The following STIM2 variants were observed in gnomAD, a reference collection of about 807,000 sequenced individuals.
STIM2 encodes the protein stromal interaction molecule 2.
Under a neutral mutation model 85.8 loss-of-function variants are expected in STIM2, and 31 were observed. The ratio of observed to expected loss-of-function variants is 0.36; its 90% CI spans 0.27 to 0.49. The LOEUF is 0.49. Among genes scored for constraint, STIM2 ranks in the 20% least tolerant of loss-of-function variants. The pLI is 0.98. For missense variants in STIM2, 841 were observed against 927.6 expected, an observed-to-expected ratio of 0.91 and a Z score of 1.21; for synonymous variants, 356 against 331.1, an observed-to-expected ratio of 1.08 and a Z score of -0.82.
rs1728972482 is a variant in STIM2 at position 27,023,218 on chromosome 4, A to G, written c.*222A>G. 3.8e-6 allele frequency: 2 copies of G among 524,384 alleles called. No individual in the cohort carries two copies. The highest frequency in any genetic ancestry group is 5.2e-5 in the South Asian group (2 of 38,248). 32.5% of individuals were successfully genotyped at this position (524,384 alleles called of 1,614,324 possible). On this transcript the variant is annotated 3_prime_UTR_variant, in exon 12 of 12. Coordinates refer to ENST00000467087, the MANE Select transcript of STIM2 (RefSeq NM_020860.4). Reference sequence around the variant, plus strand: ...TCATCAAGCCAGTTATTACTGAAAAATCATTGAAATGAGACAGTTTACAGT... The same window carrying G: ...TCATCAAGCCAGTTATTACTGAAAAGTCATTGAAATGAGACAGTTTACAGT...
intron 7 of STIM2, among the ~76,000 whole-genome samples, chr4:27,005,865 A>G (rs1577492562): frequency 1.3e-5 from 2 of 152,376 alleles, no homozygotes; most frequent in East Asian, 3.9e-4. Context: ...AGAAAAATCT[A>G]TGATTAAAGA....
chr4:26,986,674 C>T (rs1469229026), intron 3 of STIM2, among the ~76,000 whole-genome samples: 1 of 152,204 alleles, frequency 6.6e-6, no homozygotes, highest in Non-Finnish European at 1.5e-5. Flanking sequence ...ATTGCTACCT[C>T]CACTATGTTA....
intron 3 of STIM2, among the ~76,000 whole-genome samples, chr4:26,987,883 G>C (rs761408583): frequency 2.0e-5 from 3 of 152,204 alleles, no homozygotes; most frequent in African/African-American, 7.2e-5. Context: ...TATGTTTCAA[G>C]TTTTAAACAG....
At chr4:27,009,027 T>C (rs1216966289) in intron 10 of STIM2, 25 bp downstream of exon 10, 1 of 1,598,650 alleles carries the variant, frequency 6.3e-7, no homozygotes, top group Non-Finnish European at 8.6e-7. Context: ...CAACAAAAAT[T>C]GTTGGTACAG....
rs747044800 is a variant in STIM2, at chr4:26,871,784, T to C, written c.151+10415T>C. 1.1e-3 allele frequency among the ~76,000 whole-genome samples: 161 copies of C among 144,560 alleles called. 1 individual carries two copies. The highest frequency in any genetic ancestry group is 3.6e-3 in the Middle Eastern group (1 of 280). The allele number at this position is 144,560 out of a possible 152,430, so 94.8% of individuals were successfully genotyped here. Reference sequence around the variant, plus strand: ...ATCTCAAATTCCTGGGCTTAGGCAATCCTCCCACCTCGGCCCCGCAAAGTA... The same window carrying C: ...ATCTCAAATTCCTGGGCTTAGGCAACCCTCCCACCTCGGCCCCGCAAAGTA... On this transcript the variant is annotated intron_variant, in intron 1 of 11. Coordinates refer to ENST00000467087, the MANE Select transcript of STIM2 (RefSeq NM_020860.4).
chr4:26,881,696 A>G (rs761485220), intron 1 of STIM2: 4 of 152,204 alleles, frequency 2.6e-5, no homozygotes, highest in South Asian at 2.1e-4. Flanking sequence ...ACAAGTTGCA[A>G]TCCTTTTAGA....
chr4:27,007,562 A>G lies in STIM2; in HGVS notation c.1011A>G (p.Lys337=). 1.3e-6 allele frequency: 2 copies of G among 1,571,494 alleles called. No individual in the cohort carries two copies. Among genetic ancestry groups the G allele is most frequent in the East Asian group, 4.6e-5 (2 of 43,268 alleles). ...GCATGGCTCTGAAAAAGGCCGAAAA[A>G]GAATTTGAACTGAGAAGCAGTTGGT... The change falls in exon 8 of 12, where the codon AAA becomes AAG. Residue 337 remains lysine, a synonymous_variant. Coordinates refer to ENST00000467087, the MANE Select transcript of STIM2 (RefSeq NM_020860.4).
rs1203632300 is a variant in STIM2, at chr4:26,861,045, CG to C, written c.-169del. On this transcript the variant is annotated 5_prime_UTR_variant, in exon 1 of 12. Transcript: ENST00000467087. ...CGGCGGGAGCCCGTGTCTGAGGCGG[CG>C]GGGGCGGCCGGAGGAGTCGCCGGCG... is the stretch of plus-strand genomic sequence containing the variant. 1 of 1,150,330 alleles carries C rather than the reference CG, an allele frequency of 8.7e-7. No individual in the cohort carries two copies. The allele number at this position is 1,150,330 out of a possible 1,614,324, so 71.3% of individuals were successfully genotyped here.
At position 26,865,077 on chromosome 4, in the gene STIM2, C is replaced by T. The variant is rs567028659; in HGVS notation, c.151+3708C>T. Among the ~76,000 whole-genome samples the T allele has an allele frequency of 6.6e-5, 10 of 152,244 alleles. 1 individual carries two copies. The South Asian group carries it at 2.1e-3, about 32-fold the overall frequency. ...GATAGCCTGAGAGACCTTTGTTCCT[C>T]TTATGACGTTGTTCTTTCTGAACTT... is the stretch of plus-strand genomic sequence containing the variant. On this transcript the variant is annotated intron_variant, in intron 1 of 11. Transcript: ENST00000467087.
chr4:26,901,240 A>G (rs969055455), intron 1 of STIM2, among the ~76,000 whole-genome samples: 2 of 152,202 alleles, frequency 1.3e-5, no homozygotes, highest in Non-Finnish European at 2.9e-5. Flanking sequence ...GTAATTTTCA[A>G]CACACTTGTA....
intron 10 of STIM2, among the ~76,000 whole-genome samples, chr4:27,011,811 G>A (rs768525429): frequency 6.6e-6 from 1 of 152,082 alleles, no homozygotes; most frequent in Non-Finnish European, 1.5e-5. Flanking sequence ...TGATGTGGAA[G>A]TGTTCTTTCT....
intron 3 of STIM2, among the ~76,000 whole-genome samples, chr4:26,992,051 G>A (rs1255814430): frequency 2.0e-5 from 3 of 151,998 alleles, no homozygotes; most frequent in Non-Finnish European, 4.4e-5. Context: ...CAGGTAATAA[G>A]GAACCAGATA....
intron 2 of STIM2, among the ~76,000 whole-genome samples, chr4:26,949,660 T>G (rs1217616249): frequency 6.6e-6 from 1 of 152,174 alleles, no homozygotes; most frequent in African/African-American, 2.4e-5. Context: ...CACTCTGAAA[T>G]GCCTCCATCT....
intron 10 of STIM2, among the ~76,000 whole-genome samples, chr4:27,016,717 C>A (rs1474873778): frequency 6.6e-6 from 1 of 152,230 alleles, no homozygotes; most frequent in African/African-American, 2.4e-5. Context: ...TTATCCAGAG[C>A]ACTGACTCAT....
At chr4:26,952,091 A>G (rs1164763476) in intron 2 of STIM2, among the ~76,000 whole-genome samples, 2 of 152,130 alleles carry the variant, frequency 1.3e-5, no homozygotes, top group Admixed American at 6.6e-5. Context: ...AACTGCCCCC[A>G]TGATTCAAAT....
At chr4:26,975,393 C>G (rs1727144437) in intron 3 of STIM2, among the ~76,000 whole-genome samples, 1 of 152,162 alleles carries the variant, frequency 6.6e-6, no homozygotes, top group African/African-American at 2.4e-5. Context: ...TACTTTTGGT[C>G]TTTGATGTTC....
At chr4:26,938,309 C>G (rs572932464) in intron 2 of STIM2, among the ~76,000 whole-genome samples, 1 of 151,796 alleles carries the variant, frequency 6.6e-6, no homozygotes, top group South Asian at 2.1e-4. Flanking sequence ...TGATTATTAT[C>G]GCAGTCTTAT....
At chr4:27,010,614 C>T (rs1005919675) in intron 10 of STIM2, among the ~76,000 whole-genome samples, 8 of 152,152 alleles carry the variant, frequency 5.3e-5, no homozygotes, top group Admixed American at 1.3e-4. Context: ...GGGAAACTCT[C>T]GGCAATAGAA....
chr4:26,962,697 G>C (rs1188318704), intron 3 of STIM2, among the ~76,000 whole-genome samples: 1 of 151,878 alleles, frequency 6.6e-6, no homozygotes, highest in Non-Finnish European at 1.5e-5. Context: ...ACTAGTGTTA[G>C]ATTTCAGATA....
Sources: gnomAD v4.1 joint callset for allele counts (sites outside exome capture counted in the v4.1 genomes callset) on GRCh38, gnomAD v4.1.1 for gene constraint, MANE v1.5 for transcripts, NCBI Gene and HGNC (gene_info 2026-07-23, HGNC 2026-07-21) for gene names.